SLC24A2: variants seen among roughly 807,000 people sequenced by gnomAD.
SLC24A2 encodes the protein solute carrier family 24 member 2, also known as sodium/potassium/calcium exchanger 2.
Under a neutral mutation model 62.0 loss-of-function variants are expected in SLC24A2, and 36 were observed. The observed-to-expected ratio is 0.58, with a 90% CI of 0.44 to 0.77. The LOEUF is 0.77. SLC24A2 is among the 30% of genes least tolerant of loss of function. The pLI, the probability that SLC24A2 is intolerant of heterozygous loss-of-function variation, is 0.00. For missense variants in SLC24A2, 846 were observed against 817.9 expected (o/e 1.03, Z -0.42); for synonymous variants, 358 against 294.0 (o/e 1.22, Z -2.23).
chr9:20,022,395 T>C, the SLC24A2 span, among the ~76,000 whole-genome samples: 65 of 152,314 alleles, frequency 4.3e-4, no homozygotes, highest in African/African-American at 1.5e-3. Context: ...TAACCAAAGT[T>C]GATAAATTAA....
Position 19,548,910 on chromosome 9 carries a change from C to T in SLC24A2, c.1479+1227G>A, listed in dbSNP as rs112587271. ...GGAACATTTAGTGCAGAATCTGATG[C>T]ATATTAGGTATACAGTTTTGTTGAA... On this transcript the variant is annotated intron_variant, in intron 8 of 10. Transcript: ENST00000341998. Among the ~76,000 whole-genome samples the T allele has an allele frequency of 2.0e-5, 3 of 152,276 alleles. No homozygotes were observed. In the East Asian group the frequency reaches 5.8e-4, roughly 29 times the overall value.
chr9:19,539,115 C>T (rs1243904980), intron 8 of SLC24A2, among the ~76,000 whole-genome samples: 94 of 72,322 alleles, frequency 1.3e-3, no homozygotes, highest in African/African-American at 5.0e-3. Context: ...ATTAGTCTTG[C>T]TAGTGGTCTA....
the SLC24A2 span, among the ~76,000 whole-genome samples, chr9:19,835,702 A>G: frequency 6.6e-6 from 1 of 152,342 alleles, no homozygotes. Context: ...CCAATGATTC[A>G]ACTCAGCTCT....
chr9:19,772,998 C>T (rs1454894710), intron 2 of SLC24A2, among the ~76,000 whole-genome samples: 1 of 152,108 alleles, frequency 6.6e-6, no homozygotes, highest in African/African-American at 2.4e-5. Context: ...ATTATTTGGA[C>T]ATAAAAAGGT....
chr9:19,996,871 T>C, the SLC24A2 span, among the ~76,000 whole-genome samples: 1 of 151,944 alleles, frequency 6.6e-6, no homozygotes. Context: ...GCTCTAGTTA[T>C]AAGGAGCCAT....
chr9:19,964,030 T>C, the SLC24A2 span, among the ~76,000 whole-genome samples: 1 of 151,980 alleles, frequency 6.6e-6, no homozygotes, highest in Non-Finnish European at 1.5e-5. Context: ...CATGGAATAC[T>C]ATGCAGCCAT....
In SLC24A2 at chr9:19,788,584, C is replaced by A; in HGVS notation, c.-154+301G>T. 3 of 985,198 alleles carry A rather than the reference C, an allele frequency of 3.0e-6. No homozygotes were observed. In the South Asian group the frequency reaches 1.4e-4, roughly 46 times the overall value. The allele number at this position is 985,198 out of a possible 1,614,324, so 61.0% of individuals were successfully genotyped here. A position where few individuals can be genotyped will look rare whatever the true frequency, so the allele number is the denominator to read the frequency against. Reference sequence around the variant, plus strand: ...GGTGAGGCGCTTGGCCCGCATCCCCCTGAGTCGTTTGTAGGTGGCTGGGGA... The same window carrying A: ...GGTGAGGCGCTTGGCCCGCATCCCCATGAGTCGTTTGTAGGTGGCTGGGGA... On this transcript the variant is annotated intron_variant, in intron 1 of 10. Transcript: ENST00000341998.
At chr9:19,711,243 T>C (rs1284921137) in intron 2 of SLC24A2, among the ~76,000 whole-genome samples, 1 of 152,234 alleles carries the variant, frequency 6.6e-6, no homozygotes, top group African/African-American at 2.4e-5. Context: ...AGAGGCTACA[T>C]GATGTGTGAT....
chr9:20,077,748 T>C, the SLC24A2 span, among the ~76,000 whole-genome samples: 3,778 of 152,320 alleles, frequency 0.025, 136 homozygotes, highest in African/African-American at 0.082. Context: ...GAGCATGTGA[T>C]AGTTGCAAGC....
At chr9:19,548,036 T>C (rs1179791948) in intron 8 of SLC24A2, among the ~76,000 whole-genome samples, 2 of 151,654 alleles carry the variant, frequency 1.3e-5, no homozygotes, top group East Asian at 1.9e-4. Flanking sequence ...ACCTGTGTCA[T>C]GCATCCTTTA....
the SLC24A2 span, among the ~76,000 whole-genome samples, chr9:19,829,069 C>T: frequency 2.0e-5 from 3 of 152,152 alleles, no homozygotes; most frequent in African/African-American, 7.2e-5. Context: ...TTTGCTCGAA[C>T]TCCTTTTGGT....
chr9:20,205,415 G>A, the SLC24A2 span, among the ~76,000 whole-genome samples: 23 of 152,096 alleles, frequency 1.5e-4, no homozygotes, highest in South Asian at 1.5e-3. Flanking sequence ...TTGGGAGGCC[G>A]AGGCAGGCGG....
At chr9:20,142,055 C>A in the SLC24A2 span, among the ~76,000 whole-genome samples, 161 of 152,054 alleles carry the variant, frequency 1.1e-3, no homozygotes, top group Admixed American at 3.2e-3. Context: ...TGCACTCCAG[C>A]CTGGATGACA....
chr9:19,925,364 G>A, the SLC24A2 span, among the ~76,000 whole-genome samples: 1 of 152,128 alleles, frequency 6.6e-6, no homozygotes, highest in Non-Finnish European at 1.5e-5. Context: ...GTATTTACTT[G>A]ATCTTTTTGT....
At chr9:20,268,975 C>T in the SLC24A2 span, among the ~76,000 whole-genome samples, 3 of 152,116 alleles carry the variant, frequency 2.0e-5, no homozygotes, top group Non-Finnish European at 2.9e-5. Context: ...CACTATGGAC[C>T]CCTTTTGCAG....
At chr9:19,711,146 G>A (rs1421687444) in intron 2 of SLC24A2, among the ~76,000 whole-genome samples, 4 of 152,188 alleles carry the variant, frequency 2.6e-5, no homozygotes, top group Non-Finnish European at 1.5e-5. Context: ...AGGGGTCTGT[G>A]AGGTCAAAAC....
At chr9:19,628,410 C>T (rs1818088904) in intron 2 of SLC24A2, among the ~76,000 whole-genome samples, 1 of 152,128 alleles carries the variant, frequency 6.6e-6, no homozygotes, top group South Asian at 2.1e-4. Flanking sequence ...GCAAGAAGGG[C>T]CTCAGGCTAT....
chr9:19,699,350 G>C (rs1441382334), intron 2 of SLC24A2, among the ~76,000 whole-genome samples: 1 of 152,098 alleles, frequency 6.6e-6, no homozygotes, highest in African/African-American at 2.4e-5. Context: ...ACTCAAAATG[G>C]AGAAATTGCC....
chr9:19,767,485 G>C (rs1301329349), intron 2 of SLC24A2, among the ~76,000 whole-genome samples: 1 of 152,212 alleles, frequency 6.6e-6, no homozygotes, highest in South Asian at 2.1e-4. Flanking sequence ...ATGGGAAAAG[G>C]GTCGTATCTG....
Sources: allele counts gnomAD v4.1 joint callset (sites outside exome capture counted in the v4.1 genomes callset), GRCh38; gene constraint gnomAD v4.1.1; transcripts MANE v1.5; gene names NCBI Gene and HGNC (gene_info 2026-07-23, HGNC 2026-07-21).